COPG2: variants seen among roughly 807,000 people sequenced by gnomAD.
COPG2 encodes coat protein complex I subunit gamma 2, also known as coatomer subunit gamma-2.
COPG2 carries 37 observed loss-of-function variants against 46.3 expected under a neutral mutation model. The observed-to-expected ratio is 0.80, with a 90% CI of 0.61 to 1.05. The LOEUF (loss-of-function observed/expected upper bound fraction) is 1.05. Ranked by LOEUF, COPG2 falls within the 50% of genes least tolerant of loss-of-function variation. COPG2 has a pLI of 0.00. For missense variants in COPG2, 427 were observed against 387.8 expected, an observed-to-expected ratio of 1.10 and a Z score of -0.85; for synonymous variants, 159 against 129.7, an observed-to-expected ratio of 1.23 and a Z score of -1.53.
chr7:130,613,020 C>A (rs530713149), intron 7 of COPG2, among the ~76,000 whole-genome samples: 1 of 152,132 alleles, frequency 6.6e-6, no homozygotes, highest in African/African-American at 2.4e-5. Context: ...TTCAAACATA[C>A]GAACATTTTA....
At chr7:130,609,631 A>G (rs1422190118) in intron 9 of COPG2, among the ~76,000 whole-genome samples, 1 of 152,128 alleles carries the variant, frequency 6.6e-6, no homozygotes, top group East Asian at 1.9e-4. Flanking sequence ...GACTCATTAC[A>G]CAAGTATTAG....
At chr7:130,529,650 G>A (rs1799805106) in intron 20 of COPG2, among the ~76,000 whole-genome samples, 1 of 152,152 alleles carries the variant, frequency 6.6e-6, no homozygotes, top group Non-Finnish European at 1.5e-5. Context: ...GAGAAAGTGG[G>A]TTAAGGGCCA....
At position 130,561,233 on chromosome 7, in the gene COPG2, G is replaced by A. The variant is rs1793713978; in HGVS notation, c.940-12C>T. On this transcript the variant is annotated splice_polypyrimidine_tract_variant and intron_variant, in intron 11 of 23. Coordinates refer to ENST00000425248, the MANE Select transcript of COPG2 (RefSeq NM_012133.6). ...TGCTTCATTGCCACCTTGTGGAAGG[G>A]CAAGAAAAAAAATTAAGCAAATTGC... 7.5e-6 allele frequency: 3 copies of A among 398,300 alleles called. No homozygotes were observed. Among genetic ancestry groups the A allele is most frequent in the Non-Finnish European group, 1.3e-5 (3 of 226,006 alleles). 24.7% of individuals were successfully genotyped at this position (398,300 alleles called of 1,614,324 possible). A position where few individuals can be genotyped will look rare whatever the true frequency, so the allele number is the denominator to read the frequency against.
At chr7:130,593,394 G>A (rs1393979604) in intron 9 of COPG2, among the ~76,000 whole-genome samples, 1 of 152,232 alleles carries the variant, frequency 6.6e-6, no homozygotes, top group Non-Finnish European at 1.5e-5. Flanking sequence ...CCACTGAAGG[G>A]AAGGTTAAGT....
chr7:130,562,194 A>C (rs1453924549), intron 11 of COPG2, among the ~76,000 whole-genome samples: 3 of 152,172 alleles, frequency 2.0e-5, no homozygotes, highest in African/African-American at 7.2e-5. Flanking sequence ...CCCTGTCTCT[A>C]CTAAAAATAC....
rs1554458309 is a variant in COPG2, at chr7:130,646,943, G to A, written c.323+5926C>T. Among the ~76,000 whole-genome samples, 700 of 138,292 alleles carry A rather than the reference G, an allele frequency of 5.1e-3. 10 individuals are homozygous for A. Among genetic ancestry groups the A allele is most frequent in the African/African-American group, 0.018 (658 of 36,782 alleles). The allele number at this position is 138,292 out of a possible 152,430, so 90.7% of individuals were successfully genotyped here. ...TGTTTGTGTGTGTATATATATATAC[G>A]TATATATATATATGCATATATATAT... On this transcript the variant is annotated intron_variant, in intron 5 of 23. Transcript: ENST00000425248.
intron 9 of COPG2, among the ~76,000 whole-genome samples, chr7:130,566,150 A>G (rs1315456494): frequency 6.6e-6 from 1 of 152,222 alleles, no homozygotes; most frequent in Non-Finnish European, 1.5e-5. Context: ...TACACATCAG[A>G]GTGAAACTGT....
At chr7:130,612,718 T>C (rs1584578930) in intron 7 of COPG2, among the ~76,000 whole-genome samples, 1 of 152,262 alleles carries the variant, frequency 6.6e-6, no homozygotes, top group East Asian at 1.9e-4. Context: ...TTTTAATGTA[T>C]AAATTGTGTT....
intron 5 of COPG2, among the ~76,000 whole-genome samples, chr7:130,619,023 AT>A: frequency 6.6e-6 from 1 of 152,086 alleles, no homozygotes. Context: ...GCTGTATTTT[AT>A]TTTTAAACTA....
chr7:130,558,202 A>C (rs993387557), intron 12 of COPG2, among the ~76,000 whole-genome samples: 7 of 152,114 alleles, frequency 4.6e-5, no homozygotes, highest in Non-Finnish European at 1.0e-4. Context: ...GTTGAATTGT[A>C]ATCGCCAGTG....
chr7:130,509,976 C>T (rs1245190740), intron 20 of COPG2: 3 of 473,878 alleles, frequency 6.3e-6, no homozygotes, highest in Admixed American at 2.3e-5. Context: ...GAAAGTCCAC[C>T]GGGCAGCTGG....
At chr7:130,654,136 T>C (rs1196463725) in intron 4 of COPG2, among the ~76,000 whole-genome samples, 2 of 152,160 alleles carry the variant, frequency 1.3e-5, no homozygotes, top group East Asian at 3.9e-4. Flanking sequence ...CCCACCAAAA[T>C]GGTGAAAATT....
At chr7:130,509,745 T>C (rs782199370) in intron 20 of COPG2, 2 of 519,370 alleles carry the variant, frequency 3.9e-6, no homozygotes, top group South Asian at 2.8e-5. Flanking sequence ...AATAAGTGTG[T>C]GGGCTGTGTG....
chr7:130,558,105 A>G, intron 12 of COPG2, among the ~76,000 whole-genome samples: 1 of 152,190 alleles, frequency 6.6e-6, no homozygotes, highest in East Asian at 1.9e-4. Context: ...ATTTTCTTTC[A>G]GCTTTCCCGT....
intron 9 of COPG2, among the ~76,000 whole-genome samples, chr7:130,597,193 C>T (rs1264727497): frequency 6.6e-6 from 1 of 152,218 alleles, no homozygotes; most frequent in Non-Finnish European, 1.5e-5. Context: ...CCCTTCTCTA[C>T]AGAAGGAGCA....
chr7:130,628,712 T>A (rs1284923462), intron 5 of COPG2, among the ~76,000 whole-genome samples: 2 of 152,130 alleles, frequency 1.3e-5, no homozygotes, highest in Non-Finnish European at 2.9e-5. Context: ...TCTTGCAGAG[T>A]AAGACAGCTA....
chr7:130,528,050 T>A (rs1278314512), intron 20 of COPG2, among the ~76,000 whole-genome samples: 2 of 151,840 alleles, frequency 1.3e-5, no homozygotes, highest in African/African-American at 4.8e-5. Context: ...GAAGAGCGTC[T>A]TGAAGACATC....
At chr7:130,571,845 C>G (rs548882414) in intron 9 of COPG2, among the ~76,000 whole-genome samples, 6 of 149,100 alleles carry the variant, frequency 4.0e-5, no homozygotes, top group Non-Finnish European at 9.0e-5. Context: ...CTCTCTCTCT[C>G]TATATATATA....
intron 20 of COPG2, among the ~76,000 whole-genome samples, chr7:130,513,690 G>A (rs1259286506): frequency 2.0e-5 from 3 of 152,062 alleles, no homozygotes; most frequent in Non-Finnish European, 4.4e-5. Context: ...CATAGGCAGT[G>A]GCAGGAACCC....
Sources: allele counts gnomAD v4.1 joint callset (sites outside exome capture counted in the v4.1 genomes callset), GRCh38; gene constraint gnomAD v4.1.1; transcripts MANE v1.5; gene names NCBI Gene and HGNC (gene_info 2026-07-23, HGNC 2026-07-21).